Variants in WDR59 observed in about 807,000 individuals in gnomAD.
The protein encoded by WDR59 is WD repeat domain 59.
Under a neutral mutation model 131.2 loss-of-function variants are expected in WDR59, and 100 were observed. The observed-to-expected ratio is 0.76, with a 90% CI of 0.65 to 0.90. WDR59 has a LOEUF of 0.90. WDR59 is among the 40% of genes least tolerant of loss of function. WDR59 has a pLI of 0.00. For synonymous variants in WDR59, 601 were observed against 466.2 expected, an observed-to-expected ratio of 1.29 and a Z score of -3.72; for missense variants, 1,203 against 1,262.2, an observed-to-expected ratio of 0.95 and a Z score of 0.71.
chr16:74,945,180 G>C (rs1812481545), intron 6 of WDR59, among the ~76,000 whole-genome samples: 1 of 151,334 alleles, frequency 6.6e-6, no homozygotes, highest in African/African-American at 2.4e-5. Flanking sequence ...ATCTAACTTA[G>C]AAACCTATAA....
At position 74,904,120 on chromosome 16, in the gene WDR59, T is replaced by A; in HGVS notation, c.1713-20A>T. Reference sequence around the variant, plus strand: ...AGAGATCTGTAGTTGAAAATGATAATTATCCACACTGGCTGCAGTCCTGTC... The same window carrying A: ...AGAGATCTGTAGTTGAAAATGATAAATATCCACACTGGCTGCAGTCCTGTC... On this transcript the variant is annotated intron_variant, in intron 17 of 25. Coordinates refer to ENST00000262144, the MANE Select transcript of WDR59 (RefSeq NM_030581.4). 1 of 1,605,984 alleles carries A rather than the reference T, an allele frequency of 6.2e-7. No homozygotes were observed. The highest frequency in any genetic ancestry group is 8.5e-7 in the Non-Finnish European group (1 of 1,175,940).
At chr16:74,940,582 T>C (rs758720848) in intron 7 of WDR59, among the ~76,000 whole-genome samples, 1 of 152,310 alleles carries the variant, frequency 6.6e-6, no homozygotes, top group Non-Finnish European at 1.5e-5. Context: ...CTTTGTGAAG[T>C]CTGTAATGCT....
rs1162042042 is a variant in WDR59, at chr16:74,981,613, CATATATATATATATATATATATAT to C, written c.54+3327_54+3350del. Among the ~76,000 whole-genome samples, 30 of 27,788 alleles carry C rather than the reference CATATATATATATATATATATATAT, an allele frequency of 1.1e-3. 5 individuals carry two copies. The highest frequency in any genetic ancestry group is 3.8e-3 in the African/African-American group (27 of 7,174). 18.2% of individuals were successfully genotyped at this position (27,788 alleles called of 152,430 possible). A position where few individuals can be genotyped will look rare whatever the true frequency, so the allele number is the denominator to read the frequency against. ...TTTTTAGACAATACATATACATTTA[CATATATATATATATATATATATAT>C]ATATATATATATATATATATATATT... On this transcript the variant is annotated intron_variant, in intron 1 of 25. Transcript: ENST00000262144.
intron 1 of WDR59, among the ~76,000 whole-genome samples, chr16:74,978,717 C>G (rs8055653): frequency 2.0e-5 from 3 of 151,972 alleles, no homozygotes; most frequent in Non-Finnish European, 2.9e-5. Flanking sequence ...CAAAACCCAA[C>G]AAACTCTACA....
At chr16:74,959,850 A>G (rs999713710) in intron 2 of WDR59, among the ~76,000 whole-genome samples, 15 of 150,816 alleles carry the variant, frequency 9.9e-5, no homozygotes, top group Non-Finnish European at 1.8e-4. Context: ...AAAAAAAAAG[A>G]GGAAGAAGAA....
chr16:74,967,077 G>A (rs571403850), intron 1 of WDR59, among the ~76,000 whole-genome samples: 176 of 152,240 alleles, frequency 1.2e-3, no homozygotes, highest in Non-Finnish European at 1.6e-4. Context: ...TACATTCTGC[G>A]ACAATCACAA....
At chr16:74,921,277 T>C (rs1007672545) in intron 10 of WDR59, among the ~76,000 whole-genome samples, 1 of 151,936 alleles carries the variant, frequency 6.6e-6, no homozygotes, top group African/African-American at 2.4e-5. Context: ...CCCCAGTCTT[T>C]ATTATTCCCC....
intron 25 of WDR59, among the ~76,000 whole-genome samples, chr16:74,880,882 G>C (rs141764317): frequency 1.0e-3 from 153 of 152,324 alleles, no homozygotes; most frequent in Non-Finnish European, 1.7e-3. Context: ...AAAGTTTTGT[G>C]TATTAATCAA....
chr16:74,928,071 C>G (rs1030549788), intron 8 of WDR59, among the ~76,000 whole-genome samples: 58 of 151,936 alleles, frequency 3.8e-4, no homozygotes, highest in African/African-American at 1.4e-3. Context: ...CCACGCCCAG[C>G]TAATTTTTGT....
chr16:74,902,941 C>T (rs1335598904), intron 18 of WDR59, among the ~76,000 whole-genome samples: 2 of 152,038 alleles, frequency 1.3e-5, no homozygotes, highest in Non-Finnish European at 2.9e-5. Context: ...AATCATTTTC[C>T]CTATTCAACT....
chr16:74,887,386 C>A (rs1964817816), intron 23 of WDR59, among the ~76,000 whole-genome samples: 1 of 152,006 alleles, frequency 6.6e-6, no homozygotes, highest in South Asian at 2.1e-4. Flanking sequence ...ATGGAAAGAG[C>A]ATGTGAAGGA....
chr16:74,927,545 G>A (rs566193829), intron 8 of WDR59, among the ~76,000 whole-genome samples: 86 of 128,324 alleles, frequency 6.7e-4, no homozygotes, highest in Non-Finnish European at 1.1e-3. Context: ...CTGAGACCGC[G>A]CCACTGCACT....
intron 1 of WDR59, 116 bp from the exon 2 acceptor site, chr16:74,965,938 T>A: frequency 2.0e-6 from 2 of 986,158 alleles, no homozygotes; most frequent in Non-Finnish European, 3.2e-6. Context: ...CTCGCAGGTA[T>A]CATTAGTTCT....
intron 8 of WDR59, among the ~76,000 whole-genome samples, chr16:74,926,834 G>A (rs968324706): frequency 2.6e-5 from 4 of 152,168 alleles, no homozygotes; most frequent in African/African-American, 4.8e-5. Context: ...TTTAGAGTTC[G>A]AAGTGGGTGA....
intron 13 of WDR59, among the ~76,000 whole-genome samples, chr16:74,913,715 A>C (rs1966218840): frequency 6.6e-6 from 1 of 152,198 alleles, no homozygotes; most frequent in Admixed American, 6.6e-5. Flanking sequence ...TCAACTTAAA[A>C]AGTGCTCCTG....
intron 8 of WDR59, among the ~76,000 whole-genome samples, chr16:74,926,889 T>C (rs1199322573): frequency 6.6e-6 from 1 of 152,180 alleles, no homozygotes; most frequent in Non-Finnish European, 1.5e-5. Flanking sequence ...CAAGGAAATA[T>C]ATAAATGAGC....
intron 3 of WDR59, among the ~76,000 whole-genome samples, chr16:74,954,888 G>A (rs2033203699): frequency 6.6e-6 from 1 of 152,188 alleles, no homozygotes; most frequent in African/African-American, 2.4e-5. Context: ...ATGATTTCAT[G>A]TCTATGGAAG....
intron 20 of WDR59, among the ~76,000 whole-genome samples, chr16:74,890,414 G>C (rs991415406): frequency 6.6e-6 from 1 of 152,170 alleles, no homozygotes; most frequent in Non-Finnish European, 1.5e-5. Context: ...GCCCCAAAAA[G>C]TGCTGGGATT....
intron 7 of WDR59, among the ~76,000 whole-genome samples, chr16:74,940,732 G>C (rs747201547): frequency 3.3e-5 from 5 of 152,030 alleles, no homozygotes; most frequent in Non-Finnish European, 5.9e-5. Context: ...TTGAGACGGA[G>C]TCTTGCTCTG....
Sources: gnomAD v4.1 joint callset for allele counts (sites outside exome capture counted in the v4.1 genomes callset) on GRCh38, gnomAD v4.1.1 for gene constraint, MANE v1.5 for transcripts, NCBI Gene and HGNC (gene_info 2026-07-23, HGNC 2026-07-21) for gene names.